Variants in SAMMSON observed in about 807,000 individuals in gnomAD.
The protein encoded by SAMMSON is survival associated mitochondrial melanoma specific oncogenic non-coding RNA, also known as long intergenic non-protein coding RNA 1212.
intron 9 of SAMMSON, among the ~76,000 whole-genome samples, chr3:70,366,971 T>C (rs530580710): frequency 6.6e-6 from 1 of 151,852 alleles, no homozygotes; most frequent in East Asian, 1.9e-4. Flanking sequence ...ATCCGTATAT[T>C]TTCTTTACTG....
intron 4 of SAMMSON, among the ~76,000 whole-genome samples, chr3:70,175,374 A>C (rs1202086356): frequency 1.3e-5 from 2 of 152,080 alleles, no homozygotes; most frequent in Admixed American, 1.3e-4. Flanking sequence ...TTATCAAAGA[A>C]ATGCCTTCCA....
intron 2 of SAMMSON, among the ~76,000 whole-genome samples, chr3:70,419,636 G>A (rs963828244): frequency 6.6e-6 from 1 of 151,904 alleles, no homozygotes; most frequent in African/African-American, 2.4e-5. Flanking sequence ...TATGCTATCT[G>A]AAAATGGTTT....
chr3:70,309,488 G>A (rs557557483), intron 7 of SAMMSON, among the ~76,000 whole-genome samples: 1 of 152,236 alleles, frequency 6.6e-6, no homozygotes, highest in African/African-American at 2.4e-5. Flanking sequence ...ATCTCATAAA[G>A]CAAGCATTCT....
chr3:70,392,061 ACCCC>A (rs1160141349), downstream of SAMMSON, among the ~76,000 whole-genome samples: 1 of 152,064 alleles, frequency 6.6e-6, no homozygotes, highest in Non-Finnish European at 1.5e-5. Flanking sequence ...GGGGATGGGT[ACCCC>A]GCCTAGCCCT....
At chr3:70,419,270 C>T (rs1312127295) in intron 2 of SAMMSON, among the ~76,000 whole-genome samples, 3 of 151,810 alleles carry the variant, frequency 2.0e-5, no homozygotes, top group Non-Finnish European at 2.9e-5. Context: ...TGGGCTCAGG[C>T]GATCCACCCG....
intron 9 of SAMMSON, among the ~76,000 whole-genome samples, chr3:70,364,901 T>C (rs1420227725): frequency 6.6e-6 from 1 of 151,830 alleles, no homozygotes; most frequent in Non-Finnish European, 1.5e-5. Flanking sequence ...TAATTTCATG[T>C]TCGTTTCTAC....
intron 2 of SAMMSON, among the ~76,000 whole-genome samples, chr3:70,418,109 T>G (rs1286910796): frequency 1.3e-5 from 2 of 152,224 alleles, no homozygotes; most frequent in Non-Finnish European, 2.9e-5. Context: ...AGTATTTCTG[T>G]CTTTGATCAT....
At chr3:70,046,774 G>A (rs143017750) in intron 3 of SAMMSON, among the ~76,000 whole-genome samples, 4 of 152,088 alleles carry the variant, frequency 2.6e-5, no homozygotes, top group African/African-American at 9.7e-5. Context: ...AGGTCTAGGG[G>A]ATAATTTATG....
intron 4 of SAMMSON, among the ~76,000 whole-genome samples, chr3:70,238,611 A>G (rs1253136902): frequency 1.3e-5 from 2 of 151,718 alleles, no homozygotes; most frequent in African/African-American, 4.8e-5. Context: ...ACTTGTCTCA[A>G]AAAAGAAAAA....
At chr3:70,051,149 AAAAAAAAAAAAG>A (rs1559781183) in intron 3 of SAMMSON, among the ~76,000 whole-genome samples, 1 of 148,854 alleles carries the variant, frequency 6.7e-6, no homozygotes, top group Non-Finnish European at 1.5e-5. Flanking sequence ...AAAAAAAAAA[AAAAAAAAAAAAG>A]AAAAAAAAAG....
At chr3:70,039,009 A>G (rs1340305132) in intron 3 of SAMMSON, among the ~76,000 whole-genome samples, 1 of 152,106 alleles carries the variant, frequency 6.6e-6, no homozygotes, top group African/African-American at 2.4e-5. Context: ...TGGTTATGTT[A>G]TATGTGATTT....
At chr3:70,025,055 A>G (rs896578390) in intron 3 of SAMMSON, 1 of 152,186 alleles carries the variant, frequency 6.6e-6, no homozygotes, top group African/African-American at 2.4e-5. Flanking sequence ...TAAGATCTAC[A>G]TAGTTACAAA....
chr3:70,253,121 A>G (rs1701785135), intron 6 of SAMMSON, among the ~76,000 whole-genome samples: 1 of 152,176 alleles, frequency 6.6e-6, no homozygotes. Context: ...CCTAAAATAA[A>G]AAAGTATTTT....
intron 6 of SAMMSON, among the ~76,000 whole-genome samples, chr3:70,268,746 A>T (rs986535270): frequency 6.6e-6 from 1 of 152,158 alleles, no homozygotes; most frequent in African/African-American, 2.4e-5. Flanking sequence ...GCTTTAGAGA[A>T]ATACTTCAAT....
chr3:70,277,103 C>G (rs1214749078), intron 6 of SAMMSON, among the ~76,000 whole-genome samples: 2 of 152,004 alleles, frequency 1.3e-5, no homozygotes, highest in Non-Finnish European at 2.9e-5. Context: ...GCGTGAGAAA[C>G]ATTGGCTAAG....
At chr3:70,132,967 T>TC (rs771151754) in intron 4 of SAMMSON, among the ~76,000 whole-genome samples, 14 of 152,200 alleles carry the variant, frequency 9.2e-5, no homozygotes, top group South Asian at 4.2e-4. Flanking sequence ...GTTAATGGTC[T>TC]CACCTGTGAA....
chr3:70,384,030 T>C (rs1156269386), intron 9 of SAMMSON, among the ~76,000 whole-genome samples: 4 of 151,914 alleles, frequency 2.6e-5, no homozygotes, highest in Non-Finnish European at 5.9e-5. Flanking sequence ...AACAAAACCA[T>C]TGGTTAAGGA....
At chr3:70,069,980 C>T (rs1443089040) in intron 3 of SAMMSON, 3 of 151,994 alleles carry the variant, frequency 2.0e-5, no homozygotes, top group African/African-American at 7.2e-5. Flanking sequence ...TGATCTGAGT[C>T]AATTGAAGGA....
chr3:70,187,751 T>G (rs1701102899), intron 4 of SAMMSON, among the ~76,000 whole-genome samples: 1 of 152,076 alleles, frequency 6.6e-6, no homozygotes, highest in South Asian at 2.1e-4. Context: ...CAACTCTTTC[T>G]CAGGCACCTC....
Sources: allele counts gnomAD v4.1 joint callset (sites outside exome capture counted in the v4.1 genomes callset), GRCh38; gene constraint gnomAD v4.1.1; transcripts MANE v1.5; gene names NCBI Gene and HGNC (gene_info 2026-07-23, HGNC 2026-07-21).